Variants in IKZF5 observed in about 807,000 individuals in gnomAD.
IKZF5 encodes zinc finger protein Pegasus.
In IKZF5, 4 loss-of-function variants were observed where a neutral mutation model predicts 30.7. That is an observed-to-expected ratio of 0.13 (90% CI 0.06 to 0.30). IKZF5 has a LOEUF of 0.30. Among genes scored for constraint, IKZF5 ranks in the 10% least tolerant of loss-of-function variants. The pLI is 1.00. For synonymous variants in IKZF5, 148 were observed against 179.6 expected, an observed-to-expected ratio of 0.82 and a Z score of 1.41; for missense variants, 348 against 525.5, an observed-to-expected ratio of 0.66 and a Z score of 3.30.
intron 1 of IKZF5, among the ~76,000 whole-genome samples, 170 bp from the exon 2 acceptor site, chr10:123,007,346 A>C (rs1849833745): frequency 6.6e-6 from 1 of 152,264 alleles, no homozygotes; most frequent in Non-Finnish European, 1.5e-5. Flanking sequence ...GCTTCACTTC[A>C]GCAAAAGCTC....
At chr10:123,008,607 G>A in intron 1 of IKZF5, 87 bp downstream of exon 1, 1 of 286,350 alleles carries the variant, frequency 3.5e-6, no homozygotes, top group Non-Finnish European at 7.0e-6. Flanking sequence ...GGCCCGCCAC[G>A]AACCCAGCTC....
In IKZF5 at chr10:123,007,285, A is replaced by C. The variant is rs144012874; in HGVS notation, c.-197-109T>G. On this transcript the variant is annotated intron_variant, in intron 1 of 4. Transcript: ENST00000368886. Reference sequence around the variant, plus strand: ...TAACTTATGCCAATCTTATCATTACATTAGCTGAAAAGAAAACGAACTGAC... The same window carrying C: ...TAACTTATGCCAATCTTATCATTACCTTAGCTGAAAAGAAAACGAACTGAC... 4.6e-5 allele frequency: 7 copies of C among 152,358 alleles called. No homozygotes were observed. In the East Asian group the frequency reaches 1.2e-3, roughly 25 times the overall value. 9.4% of individuals were successfully genotyped at this position (152,358 alleles called of 1,614,324 possible). A position where few individuals can be genotyped will look rare whatever the true frequency, so the allele number is the denominator to read the frequency against.
At chr10:122,997,665 A>G (rs1849426192) in intron 3 of IKZF5, among the ~76,000 whole-genome samples, 1 of 152,214 alleles carries the variant, frequency 6.6e-6, no homozygotes, top group Admixed American at 6.5e-5. Flanking sequence ...GAAATAGTAA[A>G]TACTTCAGGC....
rs1352537667 is a variant in IKZF5 at position 122,993,371 on chromosome 10, A to G, written c.*409T>C. 6.5e-6 allele frequency: 1 copy of G among 154,220 alleles called. No individual in the cohort carries two copies. Among genetic ancestry groups the G allele is most frequent in the Non-Finnish European group, 1.4e-5 (1 of 69,204 alleles). 9.6% of individuals were successfully genotyped at this position (154,220 alleles called of 1,614,324 possible). A position where few individuals can be genotyped will look rare whatever the true frequency, so the allele number is the denominator to read the frequency against. The stretch of plus-strand genomic sequence containing the variant: ...ACTAAACACTGAAATGAGTAGTAAT[A>G]AATTCTGTAATTTATTCTACCATTT... On this transcript the variant is annotated 3_prime_UTR_variant, in exon 5 of 5. Transcript: ENST00000368886.
chr10:122,998,412 TG>T, intron 3 of IKZF5, 80 bp downstream of exon 3: 1 of 1,170,860 alleles, frequency 8.5e-7, no homozygotes, highest in Non-Finnish European at 1.2e-6. Flanking sequence ...TAATGCGCAG[TG>T]GTCTTCACAG....
chr10:123,003,524 G>T (rs10902856), intron 2 of IKZF5, among the ~76,000 whole-genome samples: 11,634 of 152,126 alleles, frequency 0.076, 510 homozygotes, highest in Middle Eastern at 0.16. Context: ...TTGTAAAATG[G>T]AATCATAATC....
In IKZF5 at chr10:122,993,981, T is replaced by C. The variant is rs1589714172; in HGVS notation, c.1059A>G (p.Pro353=). 6.2e-7 allele frequency: 1 copy of C among 1,614,088 alleles called. No individual in the cohort carries two copies. Among genetic ancestry groups the C allele is most frequent in the Admixed American group, 1.7e-5 (1 of 60,006 alleles). The part of the protein sequence containing the change: ...IGNSQPSTPA[P]ALPVQDPQLL... Reference sequence around the variant, plus strand: ...GCTGAGGGTCCTGGACCGGCAGGGCTGGGGCTGGGGTGCTTGGCTGGCTGT... The same window carrying C: ...GCTGAGGGTCCTGGACCGGCAGGGCCGGGGCTGGGGTGCTTGGCTGGCTGT... The change falls in exon 5 of 5, where the codon CCA becomes CCG. Residue 353 remains proline, a synonymous_variant. Transcript: ENST00000368886.
chr10:122,999,385 G>A (rs576344122), intron 2 of IKZF5, among the ~76,000 whole-genome samples: 56 of 152,296 alleles, frequency 3.7e-4, no homozygotes, highest in African/African-American at 1.1e-3. Context: ...TCACATGAAT[G>A]AGTAGTCTGC....
chr10:123,001,006 T>C (rs1849561459), intron 2 of IKZF5, among the ~76,000 whole-genome samples: 1 of 147,998 alleles, frequency 6.8e-6, no homozygotes, highest in Non-Finnish European at 1.5e-5. Flanking sequence ...TTTCTCTTCT[T>C]TTCTTTTCTT....
chr10:122,997,711 A>G (rs1024263842), intron 3 of IKZF5, among the ~76,000 whole-genome samples: 1 of 152,200 alleles, frequency 6.6e-6, no homozygotes, highest in Non-Finnish European at 1.5e-5. Flanking sequence ...CAACTGCTCA[A>G]CTCTGCTGTT....
intron 3 of IKZF5, chr10:122,997,160 G>T (rs956016599): frequency 1.3e-5 from 2 of 152,154 alleles, no homozygotes; most frequent in African/African-American, 2.4e-5. Context: ...CAGGAAAATC[G>T]GCAAATGGCT....
chr10:123,005,750 A>G (rs2133427515), intron 2 of IKZF5, among the ~76,000 whole-genome samples: 1 of 152,296 alleles, frequency 6.6e-6, no homozygotes, highest in South Asian at 2.1e-4. Context: ...GCTCTTTGCC[A>G]TGAGAGGATA....
At chr10:123,002,444 C>T (rs1306526018) in intron 2 of IKZF5, among the ~76,000 whole-genome samples, 7 of 150,926 alleles carry the variant, frequency 4.6e-5, no homozygotes, top group African/African-American at 9.8e-5. Context: ...CGCTTGAACC[C>T]GGGAGGCAGA....
At chr10:123,000,747 C>T (rs957838307) in intron 2 of IKZF5, among the ~76,000 whole-genome samples, 1 of 152,110 alleles carries the variant, frequency 6.6e-6, no homozygotes, top group Non-Finnish European at 1.5e-5. Context: ...TCGTTTTAGC[C>T]GTTCTGGTGG....
rs1288027783 is a variant in IKZF5, at chr10:122,993,199, T to C, written c.*581A>G. 6.6e-6 allele frequency: 1 copy of C among 152,540 alleles called. No homozygotes were observed. Among genetic ancestry groups the C allele is most frequent in the Non-Finnish European group, 1.5e-5 (1 of 68,018 alleles). 9.4% of individuals were successfully genotyped at this position (152,540 alleles called of 1,614,324 possible). A position where few individuals can be genotyped will look rare whatever the true frequency, so the allele number is the denominator to read the frequency against. On this transcript the variant is annotated 3_prime_UTR_variant, in exon 5 of 5. Coordinates refer to ENST00000368886, the MANE Select transcript of IKZF5 (RefSeq NM_001372123.1). The stretch of plus-strand genomic sequence containing the variant: ...TTTTCAATTTCAAGTCTTAACTGTT[T>C]TACATTTCCTCTTGTGGAAAAAAGA...
chr10:123,001,127 T>G (rs1444162955), intron 2 of IKZF5, among the ~76,000 whole-genome samples: 1 of 151,804 alleles, frequency 6.6e-6, no homozygotes, highest in Non-Finnish European at 1.5e-5. Flanking sequence ...TGCCTCAGCC[T>G]CCCGAGTAGC....
chr10:122,996,534 A>C (rs1849378922), intron 3 of IKZF5, among the ~76,000 whole-genome samples: 1 of 151,852 alleles, frequency 6.6e-6, no homozygotes, highest in African/African-American at 2.4e-5. Flanking sequence ...TACTTAAAAA[A>C]AAAAAAAAAA....
rs1276165927 is a variant in IKZF5, at chr10:122,994,939, T to C, written c.317-216A>G. The C allele has an allele frequency of 1.4e-5, 8 of 552,086 alleles. No homozygotes were observed. The highest frequency in any genetic ancestry group is 2.5e-5 in the Non-Finnish European group (8 of 314,446). The allele number at this position is 552,086 out of a possible 1,614,324, so 34.2% of individuals were successfully genotyped here. On this transcript the variant is annotated intron_variant, in intron 4 of 4. Transcript: ENST00000368886. This position sits in a 1 kb window ranked among gnomAD's most constrained non-coding sequence, Gnocchi z 5.6. ...ATCAGCAACAACCTGAAATATGCAT[T>C]GATGTTGTATTAGTCAATACAGTAT...
intron 2 of IKZF5, among the ~76,000 whole-genome samples, chr10:123,006,246 T>C (rs1233065072): frequency 6.6e-6 from 1 of 152,086 alleles, no homozygotes; most frequent in African/African-American, 2.4e-5. Context: ...CTACCTCAAG[T>C]AGGTAATTTA....
Sources: gnomAD v4.1 joint callset for allele counts (sites outside exome capture counted in the v4.1 genomes callset) on GRCh38, gnomAD v4.1.1 for gene constraint, Gnocchi (gnomAD v3.1) non-coding constraint, MANE v1.5 for transcripts, NCBI Gene and HGNC (gene_info 2026-07-23, HGNC 2026-07-21) for gene names.